TPST1: variants seen among roughly 807,000 people sequenced by gnomAD.
TPST1 encodes tyrosylprotein sulfotransferase 1.
TPST1 carries 20 observed loss-of-function variants against 34.8 expected under a neutral mutation model. The ratio of observed to expected loss-of-function variants is 0.57; its 90% confidence interval spans 0.40 to 0.84. The LOEUF is 0.84. Among genes scored for constraint, TPST1 ranks in the 40% least tolerant of loss-of-function variants. TPST1 has a pLI of 0.00. For missense variants in TPST1, 353 were observed against 455.5 expected (o/e 0.78, Z 2.05); for synonymous variants, 152 against 159.4 (o/e 0.95, Z 0.35).
chr7:66,286,530 C>G lies in TPST1; in HGVS notation c.865C>G (p.Gln289Glu). 2 of 1,597,002 alleles carry G rather than the reference C, an allele frequency of 1.3e-6. No individual in the cohort carries two copies. ...TTTCAGAGTGGAGAGATCTACAGAC[C>G]AAGTAATCAAGCCAGTCAATGTAGG... ...SLSKVERSTD[Q>E]VIKPVNVGAL... Residue 289 changes from glutamine (Q) to glutamate (E), a missense_variant, in exon 3 of 6, where the codon CAA becomes GAA. Gln to Glu is a conservative substitution (Grantham distance 29). Transcript: ENST00000304842.
intron 2 of TPST1, among the ~76,000 whole-genome samples, chr7:66,276,443 G>A (rs1017267591): frequency 3.6e-5 from 5 of 137,660 alleles, no homozygotes; most frequent in East Asian, 2.1e-4. Flanking sequence ...GTGTGATCTC[G>A]GCTCATTGCA....
intron 3 of TPST1, among the ~76,000 whole-genome samples, chr7:66,305,982 C>T (rs954732156): frequency 1.2e-4 from 18 of 152,126 alleles, no homozygotes; most frequent in African/African-American, 1.4e-4. Flanking sequence ...CCCTTGATTC[C>T]GCCTCTGTCC....
At chr7:66,231,707 C>T (rs191189983) in intron 1 of TPST1, among the ~76,000 whole-genome samples, 9 of 152,358 alleles carry the variant, frequency 5.9e-5, no homozygotes, top group East Asian at 3.9e-4. Flanking sequence ...CACTGGTTCC[C>T]GCTCGCGCCT....
intron 1 of TPST1, among the ~76,000 whole-genome samples, chr7:66,231,559 A>C (rs1789794436): frequency 6.6e-6 from 1 of 152,116 alleles, no homozygotes; most frequent in Non-Finnish European, 1.5e-5. Flanking sequence ...GACCCAGTAC[A>C]CCCTCTGCAG....
intron 3 of TPST1, among the ~76,000 whole-genome samples, chr7:66,346,202 T>A (rs919609581): frequency 3.8e-5 from 5 of 131,290 alleles, no homozygotes; most frequent in South Asian, 2.4e-4. Context: ...TATATATATA[T>A]AATATTTCCT....
chr7:66,264,296 G>C (rs983896743), intron 2 of TPST1, among the ~76,000 whole-genome samples: 6 of 152,212 alleles, frequency 3.9e-5, no homozygotes, highest in Non-Finnish European at 8.8e-5. Flanking sequence ...ATGTCTATGA[G>C]AGCTTTGAAA....
At chr7:66,329,820 A>G in intron 3 of TPST1, among the ~76,000 whole-genome samples, 1 of 152,200 alleles carries the variant, frequency 6.6e-6, no homozygotes, top group South Asian at 2.1e-4. Flanking sequence ...GCTTGAGGCC[A>G]TTATCCTAAG....
chr7:66,286,402 T>C, intron 2 of TPST1, 109 bp from the exon 3 acceptor site: 1 of 857,886 alleles, frequency 1.2e-6, no homozygotes, highest in African/African-American at 1.8e-5. Flanking sequence ...CTCAATTGTT[T>C]TGTAATCCAG....
chr7:66,268,489 T>C (rs1437992684), intron 2 of TPST1, among the ~76,000 whole-genome samples: 2 of 152,156 alleles, frequency 1.3e-5, no homozygotes, highest in Admixed American at 6.5e-5. Context: ...TGGAATGATA[T>C]CTTACAGAAA....
intron 3 of TPST1, among the ~76,000 whole-genome samples, chr7:66,320,504 C>T (rs1791733369): frequency 6.6e-6 from 1 of 152,052 alleles, no homozygotes; most frequent in African/African-American, 2.4e-5. Context: ...GCCTCGGCCT[C>T]CCAAAGTGCT....
At chr7:66,306,585 T>C (rs976256487) in intron 3 of TPST1, among the ~76,000 whole-genome samples, 29 of 152,288 alleles carry the variant, frequency 1.9e-4, no homozygotes, top group African/African-American at 7.0e-4. Flanking sequence ...AAGGAAAAAC[T>C]TGATGAGAAA....
intron 2 of TPST1, among the ~76,000 whole-genome samples, chr7:66,278,039 G>A (rs1299521924): frequency 7.2e-6 from 1 of 138,676 alleles, no homozygotes. Context: ...GGTGGACGTT[G>A]CAGTGTGCTG....
intron 2 of TPST1, among the ~76,000 whole-genome samples, chr7:66,282,722 C>T (rs1790956292): frequency 6.6e-6 from 1 of 152,210 alleles, no homozygotes; most frequent in Non-Finnish European, 1.5e-5. Flanking sequence ...TAAGAGGCAA[C>T]TCTGAGAGTT....
chr7:66,348,978 G>C (rs1040103602), intron 3 of TPST1, among the ~76,000 whole-genome samples: 3 of 151,884 alleles, frequency 2.0e-5, no homozygotes, highest in African/African-American at 7.3e-5. Context: ...GGAACTGTCA[G>C]TACTAGGAAG....
chr7:66,282,028 G>C (rs1056226333), intron 2 of TPST1, among the ~76,000 whole-genome samples: 7 of 152,140 alleles, frequency 4.6e-5, no homozygotes, highest in African/African-American at 1.7e-4. Context: ...AGTGTGCATG[G>C]GCCGTGTGTA....
upstream of TPST1, among the ~76,000 whole-genome samples, chr7:66,203,139 A>G (rs893528288): frequency 1.1e-4 from 17 of 151,624 alleles, no homozygotes; most frequent in African/African-American, 4.1e-4. Context: ...CAGTTTTCTT[A>G]TCTATCTCTG....
chr7:66,240,405 T>C lies in TPST1; in HGVS notation c.-21T>C, dbSNP rs755193790. On this transcript the variant is annotated 5_prime_UTR_variant, in exon 2 of 6. Transcript: ENST00000304842. ...CATTTTGAGCAAAATATCTGTTTAA[T>C]AACAAGATAACCACATCAAGATGGT... The C allele has an allele frequency of 2.0e-5, 32 of 1,602,392 alleles. No homozygotes were observed. Among genetic ancestry groups the C allele is most frequent in the Admixed American group, 3.4e-5 (2 of 58,718 alleles).
At chr7:66,331,173 C>T (rs1034938795) in intron 3 of TPST1, among the ~76,000 whole-genome samples, 8 of 152,188 alleles carry the variant, frequency 5.3e-5, no homozygotes, top group Non-Finnish European at 1.2e-4. Context: ...CAACATGCAG[C>T]TGGCCTACCT....
intron 3 of TPST1, among the ~76,000 whole-genome samples, chr7:66,325,689 G>A (rs1467018429): frequency 6.6e-6 from 1 of 152,114 alleles, no homozygotes; most frequent in Admixed American, 6.5e-5. Flanking sequence ...AGGCTGGAGT[G>A]CAGTGGCATT....
Sources: allele counts gnomAD v4.1 joint callset (sites outside exome capture counted in the v4.1 genomes callset), GRCh38; gene constraint gnomAD v4.1.1; transcripts MANE v1.5; gene names NCBI Gene and HGNC (gene_info 2026-07-23, HGNC 2026-07-21).